The following ZFAT variants were observed in gnomAD, a reference collection of about 807,000 sequenced individuals.
ZFAT encodes the protein zinc finger protein ZFAT.
Under a neutral mutation model 117.7 loss-of-function variants are expected in ZFAT, and 64 were observed. The ratio of observed to expected loss-of-function variants is 0.54; its 90% CI spans 0.44 to 0.67. The LOEUF (loss-of-function observed/expected upper bound fraction) is 0.67. ZFAT is among the 30% of genes least tolerant of loss of function. ZFAT has a pLI of 0.00. For missense variants in ZFAT, 1,433 were observed against 1,584.5 expected, an observed-to-expected ratio of 0.90 and a Z score of 1.62; for synonymous variants, 679 against 615.0, an observed-to-expected ratio of 1.10 and a Z score of -1.54.
At position 134,556,080 on chromosome 8, in the gene ZFAT, G is replaced by A. The variant is rs559976943; in HGVS notation, c.2976+9253C>T. Among the ~76,000 whole-genome samples the A allele has an allele frequency of 6.9e-4, 94 of 136,980 alleles. 1 individual carries two copies. Among genetic ancestry groups the A allele is most frequent in the Admixed American group, 2.8e-3 (36 of 12,700 alleles). 89.9% of individuals were successfully genotyped at this position (136,980 alleles called of 152,430 possible). A position where few individuals can be genotyped will look rare whatever the true frequency, so the allele number is the denominator to read the frequency against. ...GGAAGGAAGGAAGGAAGGAAGGGAA[G>A]GAAGGGAGGGAAAAAGAAAAGGAAA... On this transcript the variant is annotated intron_variant, in intron 11 of 15. Transcript: ENST00000377838.
At chr8:134,762,238 C>T in the ZFAT span, among the ~76,000 whole-genome samples, 1 of 152,218 alleles carries the variant, frequency 6.6e-6, no homozygotes, top group Non-Finnish European at 1.5e-5. Context: ...CAATCTACCA[C>T]ATCATTCCTG....
At chr8:134,485,297 G>T (rs999318553) in intron 15 of ZFAT, among the ~76,000 whole-genome samples, 2 of 152,174 alleles carry the variant, frequency 1.3e-5, no homozygotes, top group African/African-American at 4.8e-5. Flanking sequence ...CTGTGGGCTT[G>T]GCCAAGCAGG....
intron 1 of ZFAT, among the ~76,000 whole-genome samples, chr8:134,670,670 C>T (rs1190139610): frequency 6.6e-6 from 1 of 152,198 alleles, no homozygotes; most frequent in Non-Finnish European, 1.5e-5. Context: ...AAAATTGACA[C>T]CCTAACGTCA....
At chr8:134,826,752 T>C in the ZFAT span, among the ~76,000 whole-genome samples, 1 of 152,232 alleles carries the variant, frequency 6.6e-6, no homozygotes, top group African/African-American at 2.4e-5. Flanking sequence ...ATATTTCCCC[T>C]AGTTTGTGAA....
chr8:134,608,378 A>C (rs1828048119), intron 5 of ZFAT, among the ~76,000 whole-genome samples: 1 of 152,210 alleles, frequency 6.6e-6, no homozygotes, highest in African/African-American at 2.4e-5. Flanking sequence ...ATTTTTCTAA[A>C]CGGTAGTAAG....
At chr8:134,566,814 C>T (rs1824504913) in intron 10 of ZFAT, among the ~76,000 whole-genome samples, 1 of 152,206 alleles carries the variant, frequency 6.6e-6, no homozygotes, top group African/African-American at 2.4e-5. Flanking sequence ...GATGACTGTA[C>T]TGCATGTGAC....
chr8:134,642,954 A>G (rs2131135315), intron 2 of ZFAT, among the ~76,000 whole-genome samples: 1 of 152,378 alleles, frequency 6.6e-6, no homozygotes, highest in East Asian at 1.9e-4. Context: ...GACAGACTGC[A>G]TCCTGTTCCA....
chr8:134,667,503 AAAAAAAAAAC>A (rs1832291959), intron 1 of ZFAT, among the ~76,000 whole-genome samples: 2 of 138,230 alleles, frequency 1.4e-5, no homozygotes, highest in African/African-American at 2.5e-5. Flanking sequence ...AAAAAAAAAA[AAAAAAAAAAC>A]ATAGATGACA....
At chr8:134,581,599 G>C (rs73365314) in intron 10 of ZFAT, among the ~76,000 whole-genome samples, 1 of 152,084 alleles carries the variant, frequency 6.6e-6, no homozygotes, top group Non-Finnish European at 1.5e-5. Flanking sequence ...GGCAGGGGGG[G>C]TGTAGGGAAT....
At chr8:134,513,916 C>T (rs555772129) in intron 13 of ZFAT, among the ~76,000 whole-genome samples, 40 of 152,216 alleles carry the variant, frequency 2.6e-4, no homozygotes, top group African/African-American at 9.4e-4. Flanking sequence ...CATAAATGAA[C>T]AAAAAGAAGA....
chr8:134,540,288 C>T (rs1822157139), intron 11 of ZFAT, among the ~76,000 whole-genome samples: 1 of 152,156 alleles, frequency 6.6e-6, no homozygotes, highest in Non-Finnish European at 1.5e-5. Flanking sequence ...GTCTGGAACT[C>T]GATCTCCTTC....
intron 1 of ZFAT, among the ~76,000 whole-genome samples, chr8:134,683,221 C>T (rs539869748): frequency 2.6e-5 from 4 of 152,248 alleles, no homozygotes; most frequent in Admixed American, 2.0e-4. Flanking sequence ...CAGTGTGTAA[C>T]CTGCACAGCT....
intron 3 of ZFAT, among the ~76,000 whole-genome samples, chr8:134,625,728 T>C (rs1314616417): frequency 4.6e-5 from 7 of 152,238 alleles, no homozygotes; most frequent in Admixed American, 1.3e-4. Context: ...CCCTTGACTT[T>C]AGCCAATCTC....
At chr8:134,716,453 G>A (rs1449395043), upstream of ZFAT, among the ~76,000 whole-genome samples, 1 of 152,104 alleles carries the variant, frequency 6.6e-6, no homozygotes. Context: ...CACATCCCCG[G>A]TCTGCCTGTG....
intron 11 of ZFAT, among the ~76,000 whole-genome samples, chr8:134,563,201 G>A (rs1403724464): frequency 6.6e-6 from 1 of 152,196 alleles, no homozygotes; most frequent in Non-Finnish European, 1.5e-5. Flanking sequence ...ATCCCACTAG[G>A]TGACATATGA....
chr8:134,829,734 G>A, the ZFAT span, among the ~76,000 whole-genome samples: 1 of 152,118 alleles, frequency 6.6e-6, no homozygotes, highest in Non-Finnish European at 1.5e-5. Flanking sequence ...GTAGAGCACA[G>A]CTGTTTTCAT....
the ZFAT span, among the ~76,000 whole-genome samples, chr8:134,744,295 G>GGTT: frequency 2.3e-5 from 3 of 132,124 alleles, no homozygotes; most frequent in African/African-American, 8.5e-5. Context: ...GAGGCTAAGA[G>GGTT]TTTTTTTTTT....
At chr8:134,535,318 T>C (rs143707004) in intron 11 of ZFAT, among the ~76,000 whole-genome samples, 6 of 152,350 alleles carry the variant, frequency 3.9e-5, no homozygotes, top group African/African-American at 1.4e-4. Context: ...GGATGTTCTA[T>C]AGGCACCTTA....
chr8:134,500,395 T>A (rs1301055356), intron 15 of ZFAT, among the ~76,000 whole-genome samples: 2 of 152,226 alleles, frequency 1.3e-5, no homozygotes, highest in East Asian at 3.8e-4. Context: ...GTTGGATAGA[T>A]GAGCATACTC....
Sources: gnomAD v4.1 joint callset for allele counts (sites outside exome capture counted in the v4.1 genomes callset) on GRCh38, gnomAD v4.1.1 for gene constraint, MANE v1.5 for transcripts, NCBI Gene and HGNC (gene_info 2026-07-23, HGNC 2026-07-21) for gene names.